SGCD: variants seen among roughly 807,000 people sequenced by gnomAD.
The protein encoded by SGCD is sarcoglycan delta.
Under a neutral mutation model 36.6 loss-of-function variants are expected in SGCD, and 18 were observed. The observed-to-expected ratio is 0.49, with a 90% CI of 0.34 to 0.73. The LOEUF (loss-of-function observed/expected upper bound fraction) is 0.73. SGCD is among the 30% of genes least tolerant of loss of function. SGCD has a pLI of 0.01. For missense variants in SGCD, 387 were observed against 346.7 expected (o/e 1.12, Z -0.92); for synonymous variants, 133 against 130.6 (o/e 1.02, Z -0.12).
At chr5:156,247,208 T>C (rs574953829) in intron 3 of SGCD, among the ~76,000 whole-genome samples, 111 of 152,186 alleles carry the variant, frequency 7.3e-4, no homozygotes, top group Non-Finnish European at 1.4e-3. Context: ...TAGATTTTAT[T>C]CTGGATATAG....
At chr5:156,201,461 T>A (rs912366342) in intron 3 of SGCD, among the ~76,000 whole-genome samples, 13 of 152,312 alleles carry the variant, frequency 8.5e-5, no homozygotes, top group South Asian at 4.1e-4. Context: ...GCTGCCATCA[T>A]AACACAATGT....
chr5:156,148,900 G>A (rs778820400), intron 3 of SGCD, among the ~76,000 whole-genome samples: 132 of 152,288 alleles, frequency 8.7e-4, no homozygotes, highest in Non-Finnish European at 1.4e-3. Context: ...CTGGTACAAG[G>A]TATATCCGCA....
chr5:155,819,962 T>C, the SGCD span, among the ~76,000 whole-genome samples: 2 of 152,218 alleles, frequency 1.3e-5, no homozygotes, highest in East Asian at 3.9e-4. Context: ...TGTAGAATTA[T>C]AGTTATACTA....
intron 1 of SGCD, among the ~76,000 whole-genome samples, chr5:155,944,328 A>G (rs1757395437): frequency 6.6e-6 from 1 of 152,250 alleles, no homozygotes; most frequent in Non-Finnish European, 1.5e-5. Context: ...GGCAAATCAC[A>G]TTCTTATGAA....
chr5:155,974,930 GC>G (rs1003686797), intron 1 of SGCD, among the ~76,000 whole-genome samples: 2 of 151,912 alleles, frequency 1.3e-5, no homozygotes, highest in African/African-American at 4.8e-5. Flanking sequence ...TTTCCTTTCT[GC>G]CTACCCTCTC....
intron 3 of SGCD, among the ~76,000 whole-genome samples, chr5:156,124,191 T>C (rs1286817632): frequency 6.6e-6 from 1 of 152,184 alleles, no homozygotes; most frequent in East Asian, 1.9e-4. Context: ...ATGGGATGTG[T>C]TACCACAGGT....
intron 3 of SGCD, among the ~76,000 whole-genome samples, chr5:156,405,269 A>T (rs148496447): frequency 8.5e-4 from 129 of 152,348 alleles, no homozygotes; most frequent in African/African-American, 2.9e-3. Flanking sequence ...GGGCTTCTGA[A>T]GGACAGAAAC....
chr5:156,610,196 G>A (rs1194119551), intron 6 of SGCD, among the ~76,000 whole-genome samples: 1 of 152,154 alleles, frequency 6.6e-6, no homozygotes, highest in Non-Finnish European at 1.5e-5. Context: ...GGTCTTTGAT[G>A]ATGGTGATGT....
chr5:156,449,158 C>G (rs1302349812), intron 3 of SGCD, among the ~76,000 whole-genome samples: 1 of 152,010 alleles, frequency 6.6e-6, no homozygotes, highest in Non-Finnish European at 1.5e-5. Context: ...AAGTCTTCAG[C>G]TCCTAACTGT....
At chr5:156,032,579 G>A (rs140872722) in intron 1 of SGCD, among the ~76,000 whole-genome samples, 15 of 151,602 alleles carry the variant, frequency 9.9e-5, no homozygotes, top group African/African-American at 3.2e-4. Flanking sequence ...TTAGCTGGGC[G>A]TGGTGGCAGG....
intron 1 of SGCD, among the ~76,000 whole-genome samples, chr5:155,937,974 G>T (rs1037587725): frequency 6.6e-6 from 1 of 152,190 alleles, no homozygotes; most frequent in Non-Finnish European, 1.5e-5. Context: ...GTCAGGATTT[G>T]AACCCGGCTT....
chr5:156,204,658 A>G (rs913188771), intron 3 of SGCD, among the ~76,000 whole-genome samples: 1 of 152,110 alleles, frequency 6.6e-6, no homozygotes, highest in Non-Finnish European at 1.5e-5. Flanking sequence ...AGGGGTGATA[A>G]CAGTATCTCA....
At chr5:156,679,547 G>C (rs1753645180) in intron 7 of SGCD, among the ~76,000 whole-genome samples, 1 of 152,130 alleles carries the variant, frequency 6.6e-6, no homozygotes, top group South Asian at 2.1e-4. Flanking sequence ...TCTTGCTCTA[G>C]GGGCCATTTC....
rs191411145 is a variant in SGCD, at chr5:156,445,437, A to G, written c.193-63164A>G. Among the ~76,000 whole-genome samples, 373 of 152,264 alleles carry G rather than the reference A, an allele frequency of 2.4e-3. 2 individuals are homozygous for G. Among genetic ancestry groups the G allele is most frequent in the African/African-American group, 8.6e-3 (356 of 41,564 alleles). ...TATTTAATTTGAGGATGAGGAAAAA[A>G]TGGGAAATACAAAATATCAGCTTTA... On this transcript the variant is annotated intron_variant, in intron 3 of 8. Transcript: ENST00000337851.
the SGCD span, among the ~76,000 whole-genome samples, chr5:155,811,356 T>C: frequency 6.6e-6 from 1 of 152,170 alleles, no homozygotes; most frequent in Non-Finnish European, 1.5e-5. Flanking sequence ...GGAATTGGCA[T>C]ACAGTTAAAA....
chr5:156,193,841 T>C lies in SGCD; in HGVS notation c.-44+69822T>C, dbSNP rs144448251. On this transcript the variant is annotated intron_variant, in intron 3 of 9. Transcript: ENST00000517913. ...TTTTCAAGTTCGCAAACAGGTTCCA[T>C]GGAAATGAGTTCAGAGGTTGATTCT... 2.3e-3 allele frequency among the ~76,000 whole-genome samples: 346 copies of C among 152,312 alleles called. 2 individuals carry two copies. The highest frequency in any genetic ancestry group is 7.8e-3 in the African/African-American group (326 of 41,578).
chr5:156,187,753 G>A (rs1457506861), intron 3 of SGCD, among the ~76,000 whole-genome samples: 2 of 152,158 alleles, frequency 1.3e-5, no homozygotes, highest in East Asian at 1.9e-4. Flanking sequence ...GAAAGACCTT[G>A]AATGAGATGA....
At chr5:156,127,538 G>C (rs868809660) in intron 3 of SGCD, among the ~76,000 whole-genome samples, 11 of 152,052 alleles carry the variant, frequency 7.2e-5, no homozygotes, top group Admixed American at 7.2e-4. Context: ...GATTGCTTGC[G>C]TCCAAGAATT....
At chr5:156,145,654 G>A (rs1484933118) in intron 3 of SGCD, among the ~76,000 whole-genome samples, 2 of 152,110 alleles carry the variant, frequency 1.3e-5, no homozygotes, top group African/African-American at 4.8e-5. Context: ...GTTCTAGTAA[G>A]TATTTGGTTA....
Sources: gnomAD v4.1 joint callset for allele counts (sites outside exome capture counted in the v4.1 genomes callset) on GRCh38, gnomAD v4.1.1 for gene constraint, MANE v1.5 for transcripts, NCBI Gene and HGNC (gene_info 2026-07-23, HGNC 2026-07-21) for gene names.